The following IMMP1L variants were observed in gnomAD, a reference collection of about 807,000 sequenced individuals.
IMMP1L encodes mitochondrial inner membrane protease subunit 1.
In IMMP1L, 24 loss-of-function variants were observed where a neutral mutation model predicts 21.8. The observed-to-expected ratio is 1.10, with a 90% confidence interval of 0.80 to 1.55. IMMP1L has a LOEUF of 1.55. IMMP1L is among the 40% of genes most tolerant of loss of function. IMMP1L has a pLI of 0.00. For missense variants in IMMP1L, 195 were observed against 200.7 expected, an observed-to-expected ratio of 0.97 and a Z score of 0.17; for synonymous variants, 46 against 62.8, an observed-to-expected ratio of 0.73 and a Z score of 1.26.
intron 5 of IMMP1L, 71 bp downstream of exon 5, chr11:31,433,389 C>A: frequency 1.1e-6 from 1 of 874,468 alleles, no homozygotes; most frequent in Non-Finnish European, 1.8e-6. Flanking sequence ...TTGAAGATTT[C>A]AGAGATCATT....
At chr11:31,475,141 TC>T (rs1183040958) in intron 1 of IMMP1L, among the ~76,000 whole-genome samples, 1 of 152,252 alleles carries the variant, frequency 6.6e-6, no homozygotes, top group Non-Finnish European at 1.5e-5. Flanking sequence ...TCAATGTATT[TC>T]ATTAGTCCAC....
intron 1 of IMMP1L, among the ~76,000 whole-genome samples, chr11:31,490,587 A>C (rs1025440520): frequency 4.6e-5 from 7 of 152,172 alleles, no homozygotes; most frequent in African/African-American, 7.2e-5. Flanking sequence ...TAAAGGTATT[A>C]GTACGTTGTA....
At chr11:31,493,478 A>G (rs1955323070) in intron 1 of IMMP1L, among the ~76,000 whole-genome samples, 1 of 152,162 alleles carries the variant, frequency 6.6e-6, no homozygotes, top group Admixed American at 6.5e-5. Flanking sequence ...GATTATGGAA[A>G]CTGTAATTCA....
chr11:31,466,700 T>G (rs1354216978), intron 1 of IMMP1L, among the ~76,000 whole-genome samples: 1 of 151,804 alleles, frequency 6.6e-6, no homozygotes, highest in African/African-American at 2.4e-5. Context: ...TGTGGGAGCT[T>G]AAAAAAATAT....
rs1591929597 is a variant in IMMP1L, at chr11:31,433,348, A to G, written c.432+112T>C. The G allele has an allele frequency of 1.7e-5, 10 of 582,096 alleles. No individual in the cohort carries two copies. In the East Asian group the frequency reaches 3.0e-4, roughly 18 times the overall value. 36.1% of individuals were successfully genotyped at this position (582,096 alleles called of 1,614,324 possible). ...TAAGGCCAACAGGTTCAAAAAATAT[A>G]TTCGGTGCAACAGTTAAGTACACTG... is the stretch of plus-strand genomic sequence containing the variant. On this transcript the variant is annotated intron_variant, in intron 5 of 5. Coordinates refer to ENST00000532287, the MANE Select transcript of IMMP1L (RefSeq NM_001304274.2).
chr11:31,439,209 C>T (rs2133554375), intron 4 of IMMP1L, among the ~76,000 whole-genome samples: 1 of 152,208 alleles, frequency 6.6e-6, no homozygotes, highest in South Asian at 2.1e-4. Flanking sequence ...TTCTCTTCTA[C>T]CCACTATCCT....
chr11:31,471,629 T>C (rs569598999), intron 1 of IMMP1L, among the ~76,000 whole-genome samples: 1 of 152,228 alleles, frequency 6.6e-6, no homozygotes, highest in South Asian at 2.1e-4. Flanking sequence ...AAGAAAAATA[T>C]GAGTTAACAT....
chr11:31,456,820 G>A (rs974197234), intron 3 of IMMP1L, among the ~76,000 whole-genome samples: 1 of 133,082 alleles, frequency 7.5e-6, no homozygotes, highest in African/African-American at 3.0e-5. Context: ...AGGAGTTCAC[G>A]GTTGCAGTGA....
intron 1 of IMMP1L, 114 bp from the exon 2 acceptor site, chr11:31,463,419 T>A: frequency 1.0e-6 from 1 of 957,538 alleles, no homozygotes; most frequent in Non-Finnish European, 1.4e-6. Context: ...CTAATACAAT[T>A]TGGTGCAGGA....
intron 1 of IMMP1L, among the ~76,000 whole-genome samples, chr11:31,465,192 C>T (rs190104960): frequency 4.6e-5 from 7 of 151,856 alleles, no homozygotes; most frequent in Admixed American, 4.6e-4. Context: ...AGCAACCCCA[C>T]CTAAAATGGC....
chr11:31,437,274 C>A, intron 4 of IMMP1L: 1 of 336,634 alleles, frequency 3.0e-6, no homozygotes, highest in Non-Finnish European at 6.0e-6. Context: ...GTTTCATATA[C>A]ACCTCATATA....
chr11:31,475,028 C>T (rs1238085069), intron 1 of IMMP1L, among the ~76,000 whole-genome samples: 1 of 152,100 alleles, frequency 6.6e-6, no homozygotes, highest in Non-Finnish European at 1.5e-5. Context: ...TCAATATTTT[C>T]AGAGACTTGA....
chr11:31,460,971 C>T (rs1039351727), intron 2 of IMMP1L, among the ~76,000 whole-genome samples: 1 of 152,028 alleles, frequency 6.6e-6, no homozygotes, highest in Non-Finnish European at 1.5e-5. Flanking sequence ...ACCTATGTTT[C>T]CAAATTTAGG....
intron 1 of IMMP1L, among the ~76,000 whole-genome samples, chr11:31,482,461 G>A (rs1954928333): frequency 6.6e-6 from 1 of 151,888 alleles, no homozygotes; most frequent in South Asian, 2.1e-4. Context: ...CATCATCAAT[G>A]AAGAACTCAT....
At position 31,509,570 on chromosome 11, in the gene IMMP1L, T is replaced by C. The variant is rs905512038; in HGVS notation, c.-81A>G. 3.4e-6 allele frequency: 2 copies of C among 592,820 alleles called. No homozygotes were observed. The highest frequency in any genetic ancestry group is 5.7e-5 in the East Asian group (2 of 35,138). 36.7% of individuals were successfully genotyped at this position (592,820 alleles called of 1,614,324 possible). On this transcript the variant is annotated 5_prime_UTR_variant, in exon 1 of 6. Coordinates refer to ENST00000532287, the MANE Select transcript of IMMP1L (RefSeq NM_001304274.2). The stretch of plus-strand genomic sequence containing the variant: ...CCTCAACCAGGACACAGGTGGGCCT[T>C]TCTCACCTGGGCCCCGCCGAAGTCG...
intron 5 of IMMP1L, among the ~76,000 whole-genome samples, chr11:31,432,880 G>A (rs1400247288): frequency 6.6e-6 from 1 of 152,148 alleles, no homozygotes; most frequent in African/African-American, 2.4e-5. Flanking sequence ...AGTTAACTGT[G>A]TACTTTCAAC....
Position 31,460,670 on chromosome 11 carries a change from A to C in IMMP1L, c.150T>G (p.Ile50Met). The change falls in exon 3 of 6, where the codon ATT becomes ATG. Residue 50 changes from isoleucine to methionine, a missense_variant. Ile to Met is a conservative substitution (Grantham distance 10). Transcript: ENST00000532287. ...GTCGACTAAGATTTTCTGCAAAGAC[A>C]ATATCTGAATTTTGAATTGTAGGCT... is the stretch of plus-strand genomic sequence containing the variant. ...SMEPTIQNSDIVFAENLSRHF... is the reference protein window; with the variant it reads ...SMEPTIQNSDMVFAENLSRHF... 1 of 1,611,710 alleles carries C rather than the reference A, an allele frequency of 6.2e-7. No individual in the cohort carries two copies.
intron 1 of IMMP1L, among the ~76,000 whole-genome samples, chr11:31,465,072 G>A (rs1362725450): frequency 1.3e-5 from 2 of 152,190 alleles, no homozygotes; most frequent in South Asian, 2.1e-4. Context: ...TTTTAGAACT[G>A]ATAAATGAAT....
intron 1 of IMMP1L, among the ~76,000 whole-genome samples, chr11:31,476,279 A>C (rs1360488740): frequency 6.6e-6 from 1 of 152,116 alleles, no homozygotes; most frequent in African/African-American, 2.4e-5. Flanking sequence ...AGTTTACTGG[A>C]AATATTGGCA....
Sources: allele counts gnomAD v4.1 joint callset (sites outside exome capture counted in the v4.1 genomes callset), GRCh38; gene constraint gnomAD v4.1.1; transcripts MANE v1.5; gene names NCBI Gene and HGNC (gene_info 2026-07-23, HGNC 2026-07-21).